The following TMX3 variants were observed in gnomAD, a reference collection of about 807,000 sequenced individuals.
The protein encoded by TMX3 is thioredoxin related transmembrane protein 3.
Under a neutral mutation model 64.4 loss-of-function variants are expected in TMX3, and 40 were observed. That is an observed-to-expected ratio of 0.62 (90% CI 0.48 to 0.81). TMX3 has a LOEUF of 0.81. TMX3 is among the 30% of genes least tolerant of loss of function. The pLI is 0.00. For synonymous variants in TMX3, 189 were observed against 175.7 expected (o/e 1.08, Z -0.60); for missense variants, 497 against 534.5 (o/e 0.93, Z 0.69).
chr18:68,709,733 T>C (rs899281168), intron 4 of TMX3, among the ~76,000 whole-genome samples: 3 of 152,128 alleles, frequency 2.0e-5, no homozygotes, highest in African/African-American at 7.2e-5. Flanking sequence ...AGTAGCAATA[T>C]CAATAGTTTA....
intron 10 of TMX3, among the ~76,000 whole-genome samples, chr18:68,685,848 T>C (rs1046499443): frequency 1.3e-5 from 2 of 152,230 alleles, no homozygotes; most frequent in African/African-American, 4.8e-5. Context: ...AAGGAAGCAG[T>C]ATTTGGTCTG....
chr18:68,685,806 T>C (rs1913895412), intron 10 of TMX3, among the ~76,000 whole-genome samples: 1 of 152,200 alleles, frequency 6.6e-6, no homozygotes, highest in Non-Finnish European at 1.5e-5. Flanking sequence ...CATAAATTAA[T>C]GTAGTCTGAC....
intron 3 of TMX3, among the ~76,000 whole-genome samples, chr18:68,710,885 G>A (rs1190472462): frequency 2.6e-5 from 4 of 151,964 alleles, no homozygotes; most frequent in Non-Finnish European, 1.5e-5. Flanking sequence ...TTTTTGCTGA[G>A]GCATGTTAAA....
chr18:68,677,257 T>C, intron 15 of TMX3, 64 bp from the exon 16 acceptor site: 8 of 1,517,882 alleles, frequency 5.3e-6, no homozygotes, highest in Non-Finnish European at 7.1e-6. Context: ...TAGCATGAAA[T>C]GAACTTGAAA....
intron 9 of TMX3, chr18:68,687,981 ATAAT>A: frequency 3.2e-6 from 1 of 312,846 alleles, no homozygotes. Flanking sequence ...TAGCATAAAA[ATAAT>A]TAAAAATAAA....
chr18:68,702,562 G>C (rs1308772026), intron 4 of TMX3, among the ~76,000 whole-genome samples: 1 of 152,022 alleles, frequency 6.6e-6, no homozygotes, highest in Non-Finnish European at 1.5e-5. Context: ...ACGCCACCAG[G>C]ACAGGAAAGA....
In TMX3 at chr18:68,690,166, A is replaced by C. The variant is rs117153767; in HGVS notation, c.637+1129T>G. 5.3e-3 allele frequency among the ~76,000 whole-genome samples: 803 copies of C among 152,284 alleles called. 18 individuals are homozygous for C. Among genetic ancestry groups the C allele is most frequent in the Admixed American group, 0.034 (519 of 15,296 alleles). On this transcript the variant is annotated intron_variant, in intron 9 of 15. Coordinates refer to ENST00000299608, the MANE Select transcript of TMX3 (RefSeq NM_019022.5). Reference sequence around the variant, plus strand: ...AATTAAAACTCTACTGCTCTCATCTAGTCCTAGGTTCCTTTCTGTCACATA... The same window carrying C: ...AATTAAAACTCTACTGCTCTCATCTCGTCCTAGGTTCCTTTCTGTCACATA...
chr18:68,694,978 AAAAAG>A (rs1444623038), intron 8 of TMX3, among the ~76,000 whole-genome samples: 2 of 152,162 alleles, frequency 1.3e-5, no homozygotes, highest in African/African-American at 2.4e-5. Flanking sequence ...CAAAAGAAAA[AAAAAG>A]AAAAGCTCCC....
chr18:68,697,788 T>C (rs1915244520), intron 7 of TMX3, 144 bp downstream of exon 7: 1 of 568,540 alleles, frequency 1.8e-6, no homozygotes, highest in Admixed American at 3.4e-5. Context: ...AAGGAAGTGT[T>C]TTTATTATAA....
At chr18:68,697,026 T>C (rs1915154164) in intron 8 of TMX3, 200 bp downstream of exon 8, 1 of 418,050 alleles carries the variant, frequency 2.4e-6, no homozygotes, top group African/African-American at 2.1e-5. Flanking sequence ...ACGAATCTGA[T>C]GGTATTTATT....
At chr18:68,714,389 GGTT>G (rs61208090) in intron 1 of TMX3, 7,570 of 156,964 alleles carry the variant, frequency 0.048, 575 homozygotes, top group African/African-American at 0.16. Context: ...GGCTCTAAAA[GGTT>G]GTTAAGTGAG....
intron 9 of TMX3, 171 bp downstream of exon 9, chr18:68,691,124 A>G (rs569916156): frequency 2.7e-4 from 112 of 415,956 alleles, no homozygotes; most frequent in Non-Finnish European, 4.2e-4. Context: ...AAAATAACTA[A>G]CAATTATAAG....
chr18:68,696,272 C>T (rs6566379), intron 8 of TMX3, among the ~76,000 whole-genome samples: 3,265 of 152,204 alleles, frequency 0.021, 106 homozygotes, highest in African/African-American at 0.074. Flanking sequence ...CTCCTTGGTT[C>T]AAGCAATTCT....
At chr18:68,698,795 T>C (rs1385630052) in intron 6 of TMX3, among the ~76,000 whole-genome samples, 3 of 151,618 alleles carry the variant, frequency 2.0e-5, no homozygotes, top group Non-Finnish European at 2.9e-5. Flanking sequence ...GGCGGGTGGA[T>C]CATGAGGTCA....
At chr18:68,692,891 C>T (rs1474031126) in intron 8 of TMX3, among the ~76,000 whole-genome samples, 1 of 152,158 alleles carries the variant, frequency 6.6e-6, no homozygotes, top group Non-Finnish European at 1.5e-5. Context: ...TAAGACACCC[C>T]CATTGTTATA....
intron 9 of TMX3, among the ~76,000 whole-genome samples, chr18:68,690,527 C>T (rs1031162795): frequency 5.9e-5 from 9 of 151,984 alleles, no homozygotes; most frequent in East Asian, 5.8e-4. Context: ...TTGGAAAACA[C>T]GAAAGTAGGT....
chr18:68,691,457 C>T, intron 8 of TMX3, 96 bp from the exon 9 acceptor site: 1 of 733,388 alleles, frequency 1.4e-6, no homozygotes. Flanking sequence ...AAAACTCAAA[C>T]ACACATAAAA....
intron 13 of TMX3, among the ~76,000 whole-genome samples, chr18:68,681,790 C>T (rs757373151): frequency 6.6e-6 from 1 of 152,128 alleles, no homozygotes; most frequent in Non-Finnish European, 1.5e-5. Flanking sequence ...GTTGAGCTTC[C>T]ACTGGGCCCT....
chr18:68,682,438 T>A (rs1913526094), intron 13 of TMX3, among the ~76,000 whole-genome samples: 1 of 152,208 alleles, frequency 6.6e-6, no homozygotes, highest in African/African-American at 2.4e-5. Flanking sequence ...TCTAGAACAA[T>A]TCGTTTTTGA....
Sources: allele counts gnomAD v4.1 joint callset (sites outside exome capture counted in the v4.1 genomes callset), GRCh38; gene constraint gnomAD v4.1.1; transcripts MANE v1.5; gene names NCBI Gene and HGNC (gene_info 2026-07-23, HGNC 2026-07-21).